The following LIMA1 variants were observed in gnomAD, a reference collection of about 807,000 sequenced individuals.
The protein encoded by LIMA1 is LIM domain and actin-binding protein 1.
LIMA1 carries 52 observed loss-of-function variants against 62.6 expected under a neutral mutation model. The observed-to-expected ratio is 0.83, with a 90% confidence interval of 0.67 to 1.05. LIMA1 has a LOEUF of 1.05. Ranked by LOEUF, LIMA1 falls within the 50% of genes least tolerant of loss-of-function variation. LIMA1 has a pLI of 0.00. For missense variants in LIMA1, 780 were observed against 902.2 expected (o/e 0.86, Z 1.74); for synonymous variants, 302 against 317.8 (o/e 0.95, Z 0.53).
At chr12:50,242,752 C>T (rs182723812) in intron 2 of LIMA1, among the ~76,000 whole-genome samples, 26 of 152,258 alleles carry the variant, frequency 1.7e-4, no homozygotes, top group African/African-American at 6.0e-4. Context: ...CAGAACCTAA[C>T]CTTTACAAGG....
intron 1 of LIMA1, among the ~76,000 whole-genome samples, chr12:50,254,936 T>C (rs975536777): frequency 6.6e-6 from 1 of 151,838 alleles, no homozygotes; most frequent in Non-Finnish European, 1.5e-5. Flanking sequence ...GGTGCATGCC[T>C]GTAATTCCAG....
chr12:50,221,891 C>T (rs1245103525), intron 4 of LIMA1, 130 bp downstream of exon 4: 2 of 719,838 alleles, frequency 2.8e-6, no homozygotes, highest in African/African-American at 3.5e-5. Flanking sequence ...AGACTATTAA[C>T]TTATCTAACT....
At chr12:50,255,734 T>TA (rs1164593835) in intron 1 of LIMA1, among the ~76,000 whole-genome samples, 2 of 149,568 alleles carry the variant, frequency 1.3e-5, no homozygotes, top group Admixed American at 6.7e-5. Flanking sequence ...AAAAAAAAAC[T>TA]AAAAAACTTC....
rs926088915 is a variant in LIMA1, at chr12:50,176,997, A to G, written c.*67T>C. The stretch of plus-strand genomic sequence containing the variant: ...TGGGATACCTGCTTATGTGCATCAC[A>G]TTTTGACAAAGGGCAGTGGCTCGCT... On this transcript the variant is annotated 3_prime_UTR_variant, in exon 11 of 11. Coordinates refer to ENST00000341247, the MANE Select transcript of LIMA1 (RefSeq NM_016357.5). 7.7e-7 allele frequency: 1 copy of G among 1,296,414 alleles called. No individual in the cohort carries two copies. Among genetic ancestry groups the G allele is most frequent in the Admixed American group, 2.7e-5 (1 of 37,238 alleles). 80.3% of individuals were successfully genotyped at this position (1,296,414 alleles called of 1,614,324 possible).
intron 4 of LIMA1, 46 bp from the exon 5 acceptor site, chr12:50,206,114 A>C: frequency 6.7e-7 from 1 of 1,495,998 alleles, no homozygotes; most frequent in Non-Finnish European, 9.3e-7. Context: ...ACAATGGGAA[A>C]TCTTGACGCA....
chr12:50,242,054 A>ATGGAGGAC (rs1411140175), intron 2 of LIMA1, among the ~76,000 whole-genome samples: 2 of 140,546 alleles, frequency 1.4e-5, no homozygotes, highest in Non-Finnish European at 3.0e-5. Context: ...CAGGCAGCTG[A>ATGGAGGAC]TGGAGGACGC....
chr12:50,215,385 GAAAA>G (rs1941325543), intron 4 of LIMA1, among the ~76,000 whole-genome samples: 1 of 152,150 alleles, frequency 6.6e-6, no homozygotes, highest in African/African-American at 2.4e-5. Flanking sequence ...ACAAACAAGA[GAAAA>G]GGGTGATGAG....
chr12:50,254,233 A>G (rs1450446309), intron 1 of LIMA1, among the ~76,000 whole-genome samples: 1 of 152,124 alleles, frequency 6.6e-6, no homozygotes, highest in Non-Finnish European at 1.5e-5. Context: ...ATATAACAAA[A>G]ATAAACACAG....
intron 7 of LIMA1, among the ~76,000 whole-genome samples, chr12:50,197,714 T>C (rs897433987): frequency 3.3e-5 from 5 of 152,300 alleles, no homozygotes; most frequent in Non-Finnish European, 7.3e-5. Flanking sequence ...AATTCAAGCA[T>C]TATTTCCCAA....
At chr12:50,246,203 G>A (rs1941846509) in intron 2 of LIMA1, among the ~76,000 whole-genome samples, 1 of 147,128 alleles carries the variant, frequency 6.8e-6, no homozygotes, top group African/African-American at 2.5e-5. Flanking sequence ...TTGCACTCCA[G>A]TCTGGGTGAC....
At chr12:50,212,117 A>AT (rs1237728620) in intron 4 of LIMA1, among the ~76,000 whole-genome samples, 1 of 152,182 alleles carries the variant, frequency 6.6e-6, no homozygotes, top group Non-Finnish European at 1.5e-5. Context: ...AGTCTGTAGA[A>AT]TTTTTTTCTG....
chr12:50,261,708 C>T (rs1051069649), intron 1 of LIMA1, among the ~76,000 whole-genome samples: 2 of 152,120 alleles, frequency 1.3e-5, no homozygotes, highest in African/African-American at 2.4e-5. Flanking sequence ...ACTCTTATCT[C>T]CCAGGCTGGA....
chr12:50,185,416 C>A, intron 9 of LIMA1: 1 of 456,090 alleles, frequency 2.2e-6, no homozygotes, highest in Non-Finnish European at 4.4e-6. Context: ...AAGGCAGGAG[C>A]AGAAATTAGG....
Position 50,222,274 on chromosome 12 carries a change from G to C in LIMA1, c.377C>G (p.Pro126Arg). The change falls in exon 4 of 11, where the codon CCC (proline) becomes CGC (arginine). Residue 126 changes from proline (P) to arginine (R), a missense_variant. Transcript: ENST00000341247. ...AKADQEEQIHPRSRLRSPPEA... is the reference protein window; with the variant it reads ...AKADQEEQIHRRSRLRSPPEA... ...AGGAGGTGACCTGAGTCTAGATCTG[G>C]GGTGGATTTGTTCTTCTTGGTCAGC... is the stretch of plus-strand genomic sequence containing the variant. 4 of 1,614,132 alleles carry C rather than the reference G, an allele frequency of 2.5e-6. No homozygotes were observed. Among genetic ancestry groups the C allele is most frequent in the Non-Finnish European group, 3.4e-6 (4 of 1,180,024 alleles).
Position 50,222,450 on chromosome 12 carries a change from C to A in LIMA1, c.201G>T (p.Gly67=), listed in dbSNP as rs149749840. 100 of 1,614,000 alleles carry A rather than the reference C, an allele frequency of 6.2e-5. No homozygotes were observed. Among genetic ancestry groups the A allele is most frequent in the Non-Finnish European group, 7.5e-5 (89 of 1,180,014 alleles). ...ACTTCTTCTTTAACACAGTCAGGGT[C>A]CCCTTTCTAAAGTGCTGGGAGAGAT... is the stretch of plus-strand genomic sequence containing the variant. ...TENLSQHFRK[G]TLTVLKKKWE... Residue 67 remains glycine (G), a synonymous_variant, in exon 4 of 11, where the codon GGG becomes GGT. Coordinates refer to ENST00000341247, the MANE Select transcript of LIMA1 (RefSeq NM_016357.5).
At chr12:50,212,332 A>T (rs1941272049) in intron 4 of LIMA1, among the ~76,000 whole-genome samples, 1 of 152,166 alleles carries the variant, frequency 6.6e-6, no homozygotes, top group Non-Finnish European at 1.5e-5. Context: ...TCATCTCACC[A>T]AAGTCAAGGG....
intron 9 of LIMA1, chr12:50,186,145 G>A (rs1940626329): frequency 6.6e-6 from 1 of 152,268 alleles, no homozygotes; most frequent in African/African-American, 2.4e-5. Context: ...CATTATCACA[G>A]GCCTGGCATA....
At chr12:50,282,525 A>T (rs1395346824) in intron 1 of LIMA1, among the ~76,000 whole-genome samples, 4 of 152,068 alleles carry the variant, frequency 2.6e-5, no homozygotes, top group Non-Finnish European at 4.4e-5. Context: ...TTTTATTTTT[A>T]TTTATTTATT....
chr12:50,252,544 G>C (rs534197619), intron 1 of LIMA1, among the ~76,000 whole-genome samples: 2 of 132,648 alleles, frequency 1.5e-5, no homozygotes, highest in Non-Finnish European at 3.1e-5. Flanking sequence ...TTGCACCACT[G>C]TACTCCAGCC....
Sources: allele counts gnomAD v4.1 joint callset (sites outside exome capture counted in the v4.1 genomes callset), GRCh38; gene constraint gnomAD v4.1.1; transcripts MANE v1.5; gene names NCBI Gene and HGNC (gene_info 2026-07-23, HGNC 2026-07-21).